The following KCNIP1 variants were observed in gnomAD, a reference collection of about 807,000 sequenced individuals.
KCNIP1 encodes potassium voltage-gated channel interacting protein 1, also known as A-type potassium channel modulatory protein KCNIP1.
A neutral mutation model predicts 33.0 loss-of-function variants in KCNIP1; 18 were observed. The observed-to-expected ratio is 0.55, with a 90% CI of 0.38 to 0.81. KCNIP1 has a LOEUF of 0.81. Among genes scored for constraint, KCNIP1 ranks in the 30% least tolerant of loss-of-function variants. KCNIP1 has a pLI of 0.00. For synonymous variants in KCNIP1, 93 were observed against 98.3 expected (o/e 0.95, Z 0.32); for missense variants, 238 against 271.6 (o/e 0.88, Z 0.87).
At chr5:170,529,771 C>T (rs898906443) in intron 1 of KCNIP1, among the ~76,000 whole-genome samples, 12 of 152,094 alleles carry the variant, frequency 7.9e-5, no homozygotes, top group African/African-American at 2.2e-4. Context: ...CAGTGTTGCC[C>T]AGAGTTAGAG....
rs141399300 is a variant in KCNIP1, at chr5:170,698,872, G to A, written c.62-19886G>A. Among the ~76,000 whole-genome samples the A allele has an allele frequency of 2.1e-3, 325 of 152,282 alleles. 1 individual carries two copies. Among genetic ancestry groups the A allele is most frequent in the Admixed American group, 4.3e-3 (66 of 15,294 alleles). On this transcript the variant is annotated intron_variant, in intron 1 of 7. Transcript: ENST00000328939. ...GGATTATTCCCACCATTTCCCAGAT[G>A]TTGAAACTGAAATTGATAAACACGA...
intron 1 of KCNIP1, among the ~76,000 whole-genome samples, chr5:170,696,365 A>AAC (rs139071702): frequency 2.0e-5 from 3 of 151,914 alleles, no homozygotes; most frequent in Non-Finnish European, 2.9e-5. Context: ...GAGCTCAACA[A>AAC]ATTTGTTAAA....
intron 1 of KCNIP1, among the ~76,000 whole-genome samples, chr5:170,359,355 A>C (rs1185620805): frequency 6.6e-6 from 1 of 152,218 alleles, no homozygotes; most frequent in Non-Finnish European, 1.5e-5. Context: ...GGAAAGCAGA[A>C]GCCTTCACAC....
chr5:170,651,255 C>T (rs1761032561), intron 1 of KCNIP1, among the ~76,000 whole-genome samples: 1 of 152,096 alleles, frequency 6.6e-6, no homozygotes, highest in Non-Finnish European at 1.5e-5. Context: ...AGGAGGGGTG[C>T]AAATCAAAGC....
At chr5:170,494,209 G>T (rs1231985636) in intron 1 of KCNIP1, among the ~76,000 whole-genome samples, 1 of 152,156 alleles carries the variant, frequency 6.6e-6, no homozygotes, top group East Asian at 1.9e-4. Context: ...ATCCAGAGCA[G>T]CCCTGAGCTG....
chr5:170,365,002 C>T (rs1419482166), intron 1 of KCNIP1, among the ~76,000 whole-genome samples: 1 of 152,204 alleles, frequency 6.6e-6, no homozygotes, highest in Non-Finnish European at 1.5e-5. Flanking sequence ...TTCTCCATAG[C>T]TGAAACTCTA....
chr5:170,513,678 A>G (rs945096364), intron 1 of KCNIP1, among the ~76,000 whole-genome samples: 3 of 152,238 alleles, frequency 2.0e-5, no homozygotes, highest in Admixed American at 6.5e-5. Flanking sequence ...GTGGACTGCA[A>G]CTAGAGACTT....
At chr5:170,370,482 A>G (rs1763816522) in intron 1 of KCNIP1, among the ~76,000 whole-genome samples, 1 of 152,184 alleles carries the variant, frequency 6.6e-6, no homozygotes, top group East Asian at 1.9e-4. Context: ...AAAGACAAAT[A>G]CAAAAACATC....
At chr5:170,395,697 C>T (rs1754743448) in intron 1 of KCNIP1, among the ~76,000 whole-genome samples, 1 of 152,182 alleles carries the variant, frequency 6.6e-6, no homozygotes, top group African/African-American at 2.4e-5. Flanking sequence ...GGCAATTGCT[C>T]AACCCTGTCC....
At chr5:170,614,524 T>C (rs1160766708) in intron 1 of KCNIP1, among the ~76,000 whole-genome samples, 1 of 152,262 alleles carries the variant, frequency 6.6e-6, no homozygotes, top group African/African-American at 2.4e-5. Flanking sequence ...ATATATTCTC[T>C]GTTTACATAC....
At chr5:170,651,601 C>T (rs988518033) in intron 1 of KCNIP1, among the ~76,000 whole-genome samples, 1 of 152,176 alleles carries the variant, frequency 6.6e-6, no homozygotes, top group Admixed American at 6.5e-5. Flanking sequence ...CGCCACCCCC[C>T]CAGCTGATTG....
At chr5:170,635,154 T>C (rs1032525892) in intron 1 of KCNIP1, among the ~76,000 whole-genome samples, 8 of 152,184 alleles carry the variant, frequency 5.3e-5, no homozygotes, top group African/African-American at 1.9e-4. Context: ...CTCAACCTCC[T>C]GACTAGCTGA....
At chr5:170,571,650 C>T (rs566988548) in intron 1 of KCNIP1, among the ~76,000 whole-genome samples, 16 of 152,318 alleles carry the variant, frequency 1.1e-4, no homozygotes, top group African/African-American at 3.4e-4. Flanking sequence ...ACAGAGAGCA[C>T]GTCCATCTGA....
chr5:170,640,530 G>A (rs1199286996), intron 1 of KCNIP1, among the ~76,000 whole-genome samples: 1 of 152,170 alleles, frequency 6.6e-6, no homozygotes, highest in African/African-American at 2.4e-5. Flanking sequence ...TTAAAATGAA[G>A]CATTTCGAGG....
intron 1 of KCNIP1, among the ~76,000 whole-genome samples, chr5:170,667,040 G>T (rs7706223): frequency 2.6e-5 from 4 of 152,352 alleles, no homozygotes; most frequent in African/African-American, 9.6e-5. Flanking sequence ...TCGGCTGGGC[G>T]TGGTGGCTCA....
At chr5:170,406,074 T>A (rs1377615678) in intron 1 of KCNIP1, among the ~76,000 whole-genome samples, 1 of 152,256 alleles carries the variant, frequency 6.6e-6, no homozygotes, top group Non-Finnish European at 1.5e-5. Context: ...GTTCCTTGTT[T>A]GTCTAAAACA....
chr5:170,679,494 C>T (rs576126979), intron 1 of KCNIP1, among the ~76,000 whole-genome samples: 8 of 152,106 alleles, frequency 5.3e-5, no homozygotes, highest in Non-Finnish European at 1.2e-4. Flanking sequence ...TGTTTTAAAT[C>T]CATTACGCAC....
intron 1 of KCNIP1, among the ~76,000 whole-genome samples, chr5:170,527,946 C>T (rs1486788722): frequency 2.0e-5 from 3 of 152,074 alleles, no homozygotes; most frequent in African/African-American, 7.2e-5. Context: ...TTTACAGACA[C>T]ACGACAATTC....
At chr5:170,587,222 G>A (rs1261995126) in intron 1 of KCNIP1, among the ~76,000 whole-genome samples, 1 of 152,180 alleles carries the variant, frequency 6.6e-6, no homozygotes, top group East Asian at 1.9e-4. Flanking sequence ...AGGAGTTCAA[G>A]ACTAGCCTGG....
Sources: allele counts gnomAD v4.1 joint callset (sites outside exome capture counted in the v4.1 genomes callset), GRCh38; gene constraint gnomAD v4.1.1; transcripts MANE v1.5; gene names NCBI Gene and HGNC (gene_info 2026-07-23, HGNC 2026-07-21).